EFNA3: variants seen among roughly 807,000 people sequenced by gnomAD.
The protein encoded by EFNA3 is ephrin-A3.
EFNA3 carries 15 observed loss-of-function variants against 25.0 expected under a neutral mutation model. The ratio of observed to expected loss-of-function variants is 0.60; its 90% CI spans 0.40 to 0.92. The LOEUF is 0.92. Ranked by LOEUF, EFNA3 falls within the 40% of genes least tolerant of loss-of-function variation. EFNA3 has a pLI of 0.00. For synonymous variants in EFNA3, 153 were observed against 145.6 expected (o/e 1.05, Z -0.37); for missense variants, 298 against 323.8 (o/e 0.92, Z 0.61).
chr1:155,086,513 C>T lies in EFNA3; in HGVS notation c.687C>T (p.Ala229=). The T allele has an allele frequency of 6.2e-7, 1 of 1,614,078 alleles. No individual in the cohort carries two copies. Among genetic ancestry groups the T allele is most frequent in the Non-Finnish European group, 8.5e-7 (1 of 1,179,978 alleles). ...REHLPLAVGI[A]FFLMTFLAS is the part of the protein sequence containing the mutation. ...ACCTGCCCCTGGCCGTGGGCATCGC[C>T]TTCTTCCTCATGACGTTCTTGGCCT... The change falls in exon 5 of 5, where the codon GCC becomes GCT. Residue 229 remains alanine (A), a synonymous_variant. Coordinates refer to ENST00000368408, the MANE Select transcript of EFNA3 (RefSeq NM_004952.5).
rs1259842674 is a variant in EFNA3, at chr1:155,080,722, AGGTGAAAGCTCAGGGAGCG to A, written c.128+1658_128+1676del. 6.6e-6 allele frequency among the ~76,000 whole-genome samples: 1 copy of A among 152,092 alleles called. No individual in the cohort carries two copies. The highest frequency in any genetic ancestry group is 1.5e-5 in the Non-Finnish European group (1 of 67,968). ...CCCTCCCCCGCATACACCTGGGCGCAGGTGAAAGCTCAGGGAGCGGGTGGGGGAGCCCGGGTTCCGGGAG... is the reference window on the plus strand; with the variant it reads ...CCCTCCCCCGCATACACCTGGGCGCAGGTGGGGGAGCCCGGGTTCCGGGAG... On this transcript the variant is annotated intron_variant, in intron 1 of 4. Coordinates refer to ENST00000368408, the MANE Select transcript of EFNA3 (RefSeq NM_004952.5). The surrounding 1 kb of genome is among the most constrained non-coding windows in gnomAD (Gnocchi z 7.0).
rs773921973 is a variant in EFNA3, at chr1:155,085,134, T to C, written c.172T>C (p.Tyr58His). The C allele has an allele frequency of 6.2e-7, 1 of 1,613,506 alleles. No homozygotes were observed. The highest frequency in any genetic ancestry group is 8.5e-7 in the Non-Finnish European group (1 of 1,179,998). ...GYTVQVNVND[Y>H]LDIYCPHYNS... ...CACCGTGCAGGTGAACGTGAACGAC[T>C]ATCTGGATATTTACTGCCCGCACTA... The change falls in exon 2 of 5, where the codon TAT (tyrosine) becomes CAT (histidine). Residue 58 changes from tyrosine to histidine, a missense_variant. Tyr to His is a moderately conservative substitution (Grantham distance 83, BLOSUM62 2). Transcript: ENST00000368408. The surrounding 1 kb of genome is among the most constrained non-coding windows in gnomAD (Gnocchi z 4.4).
In EFNA3 at chr1:155,086,662, G is replaced by A; in HGVS notation, c.*119G>A. 1 of 1,313,970 alleles carries A rather than the reference G, an allele frequency of 7.6e-7. No individual in the cohort carries two copies. The allele number at this position is 1,313,970 out of a possible 1,614,324, so 81.4% of individuals were successfully genotyped here. Reference sequence around the variant, plus strand: ...ACCCCTCCTCCCATGGCTAGAAGTGGGGCCTGCACCATACATCTGTGTCCG... The same window carrying A: ...ACCCCTCCTCCCATGGCTAGAAGTGAGGCCTGCACCATACATCTGTGTCCG... On this transcript the variant is annotated 3_prime_UTR_variant, in exon 5 of 5. Transcript: ENST00000368408.
Position 155,079,114 on chromosome 1 carries a change from A to C in EFNA3, c.128+45A>C. On this transcript the variant is annotated intron_variant, in intron 1 of 4. Transcript: ENST00000368408. The surrounding 1 kb of genome is among the most constrained non-coding windows in gnomAD (Gnocchi z 7.7). Reference sequence around the variant, plus strand: ...AGTCCGCGCGTCCCGTCTCAGTGAGAGGGGGAGCCGGTGGGCCCGAGAAGT... The same window carrying C: ...AGTCCGCGCGTCCCGTCTCAGTGAGCGGGGGAGCCGGTGGGCCCGAGAAGT... The C allele has an allele frequency of 3.3e-6, 4 of 1,222,690 alleles. No individual in the cohort carries two copies. The highest frequency in any genetic ancestry group is 4.1e-6 in the Non-Finnish European group (4 of 969,740). 75.7% of individuals were successfully genotyped at this position (1,222,690 alleles called of 1,614,324 possible).
At chr1:155,083,379 C>T (rs908989609) in intron 1 of EFNA3, among the ~76,000 whole-genome samples, 3 of 152,176 alleles carry the variant, frequency 2.0e-5, no homozygotes, top group Admixed American at 6.5e-5. Flanking sequence ...ACAGGCAAGC[C>T]TAGGATGGCA....
intron 1 of EFNA3, among the ~76,000 whole-genome samples, chr1:155,083,144 T>A (rs748588091): frequency 2.0e-5 from 3 of 152,228 alleles, no homozygotes; most frequent in Non-Finnish European, 2.9e-5. Context: ...CCTGTAGGAA[T>A]ACCTTGGGTG....
intron 1 of EFNA3, among the ~76,000 whole-genome samples, chr1:155,084,493 TA>T (rs1663407782): frequency 6.6e-6 from 1 of 152,244 alleles, no homozygotes; most frequent in Non-Finnish European, 1.5e-5. Context: ...GCGTGTGCCA[TA>T]GAACTTATGC....
chr1:155,084,323 G>A (rs1017815014), intron 1 of EFNA3, among the ~76,000 whole-genome samples: 1 of 152,210 alleles, frequency 6.6e-6, no homozygotes, highest in Non-Finnish European at 1.5e-5. Context: ...CTCTGTCACG[G>A]GACTCAAGGT....
At position 155,085,796 on chromosome 1, in the gene EFNA3, AG is replaced by A. The variant is rs1008233541; in HGVS notation, c.443-76del. 2.0e-6 allele frequency: 3 copies of A among 1,529,392 alleles called. No individual in the cohort carries two copies. The highest frequency in any genetic ancestry group is 2.7e-6 in the Non-Finnish European group (3 of 1,118,984). 94.7% of individuals were successfully genotyped at this position (1,529,392 alleles called of 1,614,324 possible). On this transcript the variant is annotated intron_variant, in intron 2 of 4. Coordinates refer to ENST00000368408, the MANE Select transcript of EFNA3 (RefSeq NM_004952.5). The surrounding 1 kb of genome is among the most constrained non-coding windows in gnomAD (Gnocchi z 4.4). ...AGACCGCCCGACGGGGACAGTTTGG[AG>A]GGGGTGAGAAATAGAGCCGTCGAGG...
chr1:155,084,441 C>T (rs1663407054), intron 1 of EFNA3, among the ~76,000 whole-genome samples: 1 of 152,232 alleles, frequency 6.6e-6, no homozygotes, highest in Non-Finnish European at 1.5e-5. Context: ...CCCAGCTTTT[C>T]TGTGTGTCTG....
At position 155,085,557 on chromosome 1, in the gene EFNA3, AG is replaced by A. The variant is rs1284721074; in HGVS notation, c.442+157del. 2 of 978,816 alleles carry A rather than the reference AG, an allele frequency of 2.0e-6. No homozygotes were observed. Among genetic ancestry groups the A allele is most frequent in the African/African-American group, 3.3e-5 (2 of 60,640 alleles). 60.6% of individuals were successfully genotyped at this position (978,816 alleles called of 1,614,324 possible). ...AGGAGGCGTGGGCACGGGACGCCTGAGGGGTTCAGCTCAGACGAGGTCGTGG... is the reference window on the plus strand; with the variant it reads ...AGGAGGCGTGGGCACGGGACGCCTGAGGGTTCAGCTCAGACGAGGTCGTGG... On this transcript the variant is annotated intron_variant, in intron 2 of 4. Coordinates refer to ENST00000368408, the MANE Select transcript of EFNA3 (RefSeq NM_004952.5). The surrounding 1 kb of genome is among the most constrained non-coding windows in gnomAD (Gnocchi z 4.4).
rs1263656908 is a variant in EFNA3, at chr1:155,086,166, C to T, written c.547C>T (p.Gln183Ter). ...GGAGAAGCCGGTCCCCACTCTCCCC[C>T]AGTTCACCATGGGCCCCAATGTGAA... Reference protein sequence around the residue: ...SGEKPVPTLPQFTMGPNVKIN... With the variant: ...SGEKPVPTLP Residue 183 changes from glutamine to a stop codon, truncating the protein, a stop_gained, in exon 4 of 5, where the codon CAG (glutamine) becomes TAG (stop). Transcript: ENST00000368408. LOFTEE classifies it high-confidence loss of function. The T allele has an allele frequency of 1.2e-6, 2 of 1,613,986 alleles. No individual in the cohort carries two copies. The highest frequency in any genetic ancestry group is 1.3e-5 in the African/African-American group (1 of 75,018).
At chr1:155,082,678 G>A (rs1406161188) in intron 1 of EFNA3, among the ~76,000 whole-genome samples, 25 of 152,318 alleles carry the variant, frequency 1.6e-4, no homozygotes, top group Admixed American at 1.6e-3. Flanking sequence ...GGAGCAAGAA[G>A]AGAGAACAGT....
Position 155,086,891 on chromosome 1 carries a change from T to C in EFNA3, c.*348T>C, listed in dbSNP as rs1663477699. The C allele has an allele frequency of 4.0e-6, 1 of 248,694 alleles. No individual in the cohort carries two copies. 15.4% of individuals were successfully genotyped at this position (248,694 alleles called of 1,614,324 possible). On this transcript the variant is annotated 3_prime_UTR_variant, in exon 5 of 5. Transcript: ENST00000368408. ...CCCTTTGTCCCCCCAGAGAGACATA[T>C]GCCCCCAGAGAGAGCAAATCGAAGC...
chr1:155,079,050 TG>T lies in EFNA3; in HGVS notation c.111del (p.Trp37Ter). 1 of 1,388,240 alleles carries T rather than the reference TG, an allele frequency of 7.2e-7. No individual in the cohort carries two copies. Among genetic ancestry groups the T allele is most frequent in the Non-Finnish European group, 9.4e-7 (1 of 1,067,502 alleles). The allele number at this position is 1,388,240 out of a possible 1,614,324, so 86.0% of individuals were successfully genotyped here. A position where few individuals can be genotyped will look rare whatever the true frequency, so the allele number is the denominator to read the frequency against. On this transcript the variant is annotated frameshift_variant, in exon 1 of 5. Coordinates refer to ENST00000368408, the MANE Select transcript of EFNA3 (RefSeq NM_004952.5). LOFTEE classifies it high-confidence loss of function. The surrounding 1 kb of genome is among the most constrained non-coding windows in gnomAD (Gnocchi z 7.7). The part of the protein sequence containing the change: ...GALGNRHAVY[W>X]NSSNQHLRRE... ...GCTGGGAAACCGGCATGCGGTGTAC[TG>T]GAACAGCTCCAACCAGCAGTGAGTC...
In EFNA3 at chr1:155,085,795, G is replaced by T. The variant is rs957072652; in HGVS notation, c.443-82G>T. 29 of 1,528,984 alleles carry T rather than the reference G, an allele frequency of 1.9e-5. No individual in the cohort carries two copies. The highest frequency in any genetic ancestry group is 4.1e-5 in the African/African-American group (3 of 72,682). 94.7% of individuals were successfully genotyped at this position (1,528,984 alleles called of 1,614,324 possible). A position where few individuals can be genotyped will look rare whatever the true frequency, so the allele number is the denominator to read the frequency against. ...GAGACCGCCCGACGGGGACAGTTTG[G>T]AGGGGGTGAGAAATAGAGCCGTCGA... On this transcript the variant is annotated intron_variant, in intron 2 of 4. Coordinates refer to ENST00000368408, the MANE Select transcript of EFNA3 (RefSeq NM_004952.5). The surrounding 1 kb of genome is among the most constrained non-coding windows in gnomAD (Gnocchi z 4.4).
intron 1 of EFNA3, among the ~76,000 whole-genome samples, chr1:155,082,811 C>G (rs1479180834): frequency 6.6e-6 from 1 of 152,114 alleles, no homozygotes; most frequent in African/African-American, 2.4e-5. Flanking sequence ...GCACCTCTCT[C>G]TCCGCACTGC....
At chr1:155,082,756 G>A (rs1663368226) in intron 1 of EFNA3, among the ~76,000 whole-genome samples, 1 of 152,260 alleles carries the variant, frequency 6.6e-6, no homozygotes, top group Admixed American at 6.5e-5. Context: ...AGGAGGCGCG[G>A]CCCTAGAGGC....
In EFNA3 at chr1:155,079,016, C is replaced by G; in HGVS notation, c.75C>G (p.Pro25=). 7.0e-7 allele frequency: 1 copy of G among 1,426,060 alleles called. No homozygotes were observed. Among genetic ancestry groups the G allele is most frequent in the South Asian group, 1.5e-5 (1 of 67,558 alleles). The allele number at this position is 1,426,060 out of a possible 1,614,324, so 88.3% of individuals were successfully genotyped here. A position where few individuals can be genotyped will look rare whatever the true frequency, so the allele number is the denominator to read the frequency against. Residue 25 remains proline (P), a synonymous_variant, in exon 1 of 5, where the codon CCC becomes CCG. Transcript: ENST00000368408. The surrounding 1 kb of genome is among the most constrained non-coding windows in gnomAD (Gnocchi z 7.7). ...TGCTGCCGCTGCTGGCCCAAGGGCC[C>G]GGAGGGGCGCTGGGAAACCGGCATG... ...VPLLPLLAQG[P]GGALGNRHAV... is the part of the protein sequence containing the mutation.
Sources: gnomAD v4.1 joint callset for allele counts (sites outside exome capture counted in the v4.1 genomes callset) on GRCh38, gnomAD v4.1.1 for gene constraint, Gnocchi (gnomAD v3.1) non-coding constraint, MANE v1.5 for transcripts, NCBI Gene and HGNC (gene_info 2026-07-23, HGNC 2026-07-21) for gene names.